PKP1: variants seen among roughly 807,000 people sequenced by gnomAD.
PKP1 encodes the protein plakophilin-1.
A neutral mutation model predicts 76.4 loss-of-function variants in PKP1; 27 were observed. That is an observed-to-expected ratio of 0.35 (90% confidence interval 0.26 to 0.49). PKP1 has a LOEUF of 0.49. PKP1 is among the 20% of genes least tolerant of loss of function. The pLI is 0.99. For missense variants in PKP1, 964 were observed against 955.2 expected, an observed-to-expected ratio of 1.01 and a Z score of -0.12; for synonymous variants, 404 against 384.2, an observed-to-expected ratio of 1.05 and a Z score of -0.60.
chr1:201,320,761 G>A (rs894219831), intron 7 of PKP1, among the ~76,000 whole-genome samples: 1 of 152,200 alleles, frequency 6.6e-6, no homozygotes, highest in Admixed American at 6.5e-5. Context: ...AGCATCTGCT[G>A]GCTGTGCTTC....
chr1:201,296,063 C>A (rs1443948311), intron 2 of PKP1, among the ~76,000 whole-genome samples: 1 of 152,184 alleles, frequency 6.6e-6, no homozygotes, highest in Non-Finnish European at 1.5e-5. Context: ...AAGACCCAAC[C>A]CTCCTTACTC....
At chr1:201,323,267 C>T in intron 9 of PKP1, 78 bp downstream of exon 9, 2 of 1,404,726 alleles carry the variant, frequency 1.4e-6, no homozygotes, top group South Asian at 1.2e-5. Flanking sequence ...CTCCTTTTCC[C>T]CCCAGCCTGT....
At position 201,311,704 on chromosome 1, in the gene PKP1, G is replaced by A. The variant is rs1031178979; in HGVS notation, c.307-1462G>A. ...CACACACATACTCTCTCTCTCTCAGGGAGGGGCAGGGGTGGGCGGGCAGGC... is the reference window on the plus strand; with the variant it reads ...CACACACATACTCTCTCTCTCTCAGAGAGGGGCAGGGGTGGGCGGGCAGGC... On this transcript the variant is annotated intron_variant, in intron 2 of 13. Transcript: ENST00000367324. Among the ~76,000 whole-genome samples the A allele has an allele frequency of 3.3e-5, 5 of 152,324 alleles. No individual in the cohort carries two copies. The South Asian group carries it at 8.3e-4, about 25-fold the overall frequency.
chr1:201,295,071 C>T lies in PKP1; in HGVS notation c.306+1026C>T, dbSNP rs551526367. On this transcript the variant is annotated intron_variant, in intron 2 of 13. Coordinates refer to ENST00000367324, the MANE Select transcript of PKP1 (RefSeq NM_001005337.3). ...CAGATGGGGATTAAAGGCTGCTTCT[C>T]TGTGGGAATCTGGGGTTCTGTCTTG... Among the ~76,000 whole-genome samples, 34 of 152,172 alleles carry T rather than the reference C, an allele frequency of 2.2e-4. No homozygotes were observed. In the South Asian group the frequency reaches 7.1e-3, roughly 32 times the overall value.
At chr1:201,302,898 A>G (rs998222712) in intron 2 of PKP1, among the ~76,000 whole-genome samples, 1 of 152,210 alleles carries the variant, frequency 6.6e-6, no homozygotes, top group Non-Finnish European at 1.5e-5. Flanking sequence ...GAAGCCTTAC[A>G]GGGCATGCTG....
At chr1:201,311,532 T>C (rs1656551729) in intron 2 of PKP1, among the ~76,000 whole-genome samples, 1 of 152,214 alleles carries the variant, frequency 6.6e-6, no homozygotes, top group Admixed American at 6.5e-5. Context: ...CCAGTCTTTC[T>C]GGGAGCTCAA....
intron 7 of PKP1, among the ~76,000 whole-genome samples, chr1:201,320,807 C>T (rs1558194362): frequency 6.6e-6 from 1 of 152,154 alleles, no homozygotes; most frequent in Non-Finnish European, 1.5e-5. Flanking sequence ...TGACCCCGAG[C>T]CCTGCCCCAC....
At chr1:201,305,735 TG>T (rs532736741) in intron 2 of PKP1, among the ~76,000 whole-genome samples, 3 of 151,828 alleles carry the variant, frequency 2.0e-5, no homozygotes, top group Non-Finnish European at 2.9e-5. Context: ...CAGTATAGGG[TG>T]GGGGGCATCT....
chr1:201,328,988 C>T, intron 13 of PKP1, 120 bp downstream of exon 13: 1 of 741,138 alleles, frequency 1.3e-6, no homozygotes, highest in Non-Finnish European at 2.4e-6. Flanking sequence ...TTGCCTGGCT[C>T]TGGACAACAC....
rs1218632733 is a variant in PKP1 at position 201,321,997 on chromosome 1, G to A, written c.1367G>A (p.Cys456Tyr). The change falls in exon 8 of 14, where the codon TGT becomes TAT. Residue 456 changes from cysteine to tyrosine, a missense_variant. Coordinates refer to ENST00000367324, the MANE Select transcript of PKP1 (RefSeq NM_001005337.3). ...CCCCAGTCTGTGGAAAACTGCATGT[G>A]TGTTCTGCACAACCTCTCCTACCGC... is the stretch of plus-strand genomic sequence containing the variant. ...CDDKSVENCM[C>Y]VLHNLSYRLD... is the part of the protein sequence containing the mutation. The A allele has an allele frequency of 2.0e-5, 32 of 1,613,970 alleles. No individual in the cohort carries two copies. The Admixed American group carries it at 5.2e-4, about 26-fold the overall frequency.
chr1:201,320,182 TC>T, intron 6 of PKP1, 84 bp from the exon 7 acceptor site: 1 of 834,960 alleles, frequency 1.2e-6, no homozygotes, highest in Non-Finnish European at 2.0e-6. Context: ...CTCCTGCCTG[TC>T]CCCCACCACA....
rs745732949 is a variant in PKP1 at position 201,324,526 on chromosome 1, C to T, written c.1779C>T (p.Ser593=). The T allele has an allele frequency of 1.1e-5, 18 of 1,613,924 alleles. No individual in the cohort carries two copies. In the African/African-American group the frequency reaches 1.9e-4, roughly 17 times the overall value. The stretch of plus-strand genomic sequence containing the variant: ...CTGGCAACTCTGATGTGGTGCGGTC[C>T]GGAGCCTCCCTCCTGAGCAACATGT... ...LQSGNSDVVR[S]GASLLSNMSR... Residue 593 remains serine, a synonymous_variant, in exon 10 of 14, where the codon TCC becomes TCT. Transcript: ENST00000367324.
At position 201,298,279 on chromosome 1, in the gene PKP1, C is replaced by T. The variant is rs757564102; in HGVS notation, c.306+4234C>T. On this transcript the variant is annotated intron_variant, in intron 2 of 13. Coordinates refer to ENST00000367324, the MANE Select transcript of PKP1 (RefSeq NM_001005337.3). ...AGAGAGCTGGAGCCATGGAAAGGCA[C>T]AGCCCTTCAACTCCAAAGCTGAAAA... 9.2e-5 allele frequency among the ~76,000 whole-genome samples: 14 copies of T among 152,324 alleles called. No homozygotes were observed. In the East Asian group the frequency reaches 2.3e-3, roughly 25 times the overall value.
At chr1:201,300,515 A>G (rs1656196388) in intron 2 of PKP1, among the ~76,000 whole-genome samples, 1 of 152,242 alleles carries the variant, frequency 6.6e-6, no homozygotes, top group Non-Finnish European at 1.5e-5. Context: ...TGGGTAAGCC[A>G]GGGAGGCCCC....
At chr1:201,325,610 G>A (rs1657094944) in intron 11 of PKP1, 144 bp from the exon 12 acceptor site, 1 of 707,520 alleles carries the variant, frequency 1.4e-6, no homozygotes, top group Non-Finnish European at 2.6e-6. Context: ...CACCCCAATG[G>A]GGCTCCTCTC....
chr1:201,299,454 C>T (rs912587642), intron 2 of PKP1, among the ~76,000 whole-genome samples: 5 of 152,144 alleles, frequency 3.3e-5, no homozygotes, highest in African/African-American at 1.2e-4. Context: ...TCTCTAGACC[C>T]TGGCTTTCTC....
At chr1:201,297,483 A>G (rs1656108559) in intron 2 of PKP1, among the ~76,000 whole-genome samples, 1 of 152,188 alleles carries the variant, frequency 6.6e-6, no homozygotes, top group African/African-American at 2.4e-5. Flanking sequence ...CCTGTAGAAT[A>G]TTAGAGCCCA....
chr1:201,325,183 T>C lies in PKP1; in HGVS notation c.2021+56T>C, dbSNP rs569538998. ...CCCCAATCAGAGCCCCTCCTCACCCTGCACAGCAGGAAGCAGTCCCGCAGC... is the reference window on the plus strand; with the variant it reads ...CCCCAATCAGAGCCCCTCCTCACCCCGCACAGCAGGAAGCAGTCCCGCAGC... On this transcript the variant is annotated intron_variant, in intron 11 of 13. Coordinates refer to ENST00000367324, the MANE Select transcript of PKP1 (RefSeq NM_001005337.3). The C allele has an allele frequency of 6.2e-5, 96 of 1,556,398 alleles. No individual in the cohort carries two copies. The African/African-American group carries it at 1.2e-3, about 19-fold the overall frequency.
Position 201,283,679 on chromosome 1 carries a change from G to T in PKP1, c.-24G>T, listed in dbSNP as rs1009095071. The T allele has an allele frequency of 1.2e-6, 2 of 1,607,042 alleles. No homozygotes were observed. Among genetic ancestry groups the T allele is most frequent in the East Asian group, 2.3e-5 (1 of 44,350 alleles). On this transcript the variant is annotated 5_prime_UTR_variant, in exon 1 of 14. Transcript: ENST00000367324. Reference sequence around the variant, plus strand: ...CTCTCTGCTCTCCTAGGCCCCGGCCGCGCGCCACCCGCCTCCCGCCACCAT... The same window carrying T: ...CTCTCTGCTCTCCTAGGCCCCGGCCTCGCGCCACCCGCCTCCCGCCACCAT...
Sources: allele counts gnomAD v4.1 joint callset (sites outside exome capture counted in the v4.1 genomes callset), GRCh38; gene constraint gnomAD v4.1.1; transcripts MANE v1.5; gene names NCBI Gene and HGNC (gene_info 2026-07-23, HGNC 2026-07-21).